Variants in TRAPPC9 observed in about 807,000 individuals in gnomAD.
TRAPPC9 encodes trafficking protein particle complex subunit 9.
TRAPPC9 carries 83 observed loss-of-function variants against 124.0 expected under a neutral mutation model. The observed-to-expected ratio is 0.67, with a 90% confidence interval of 0.56 to 0.80. The LOEUF is 0.80. Among genes scored for constraint, TRAPPC9 ranks in the 30% least tolerant of loss-of-function variants. TRAPPC9 has a pLI of 0.00. For synonymous variants in TRAPPC9, 638 were observed against 617.5 expected (o/e 1.03, Z -0.49); for missense variants, 1,302 against 1,508.3 (o/e 0.86, Z 2.27).
chr8:140,441,137 CCTGG>C (rs1027863370), intron 2 of TRAPPC9, among the ~76,000 whole-genome samples: 2 of 151,672 alleles, frequency 1.3e-5, no homozygotes, highest in African/African-American at 4.8e-5. Flanking sequence ...CACCACAACA[CCTGG>C]CTAATTGTTT....
intron 17 of TRAPPC9, among the ~76,000 whole-genome samples, chr8:140,026,103 C>T (rs970343350): frequency 6.6e-6 from 1 of 152,210 alleles, no homozygotes; most frequent in Non-Finnish European, 1.5e-5. Flanking sequence ...TCCTACAGTA[C>T]TTGTCCTTTT....
At chr8:139,875,931 C>T (rs774956958) in intron 21 of TRAPPC9, among the ~76,000 whole-genome samples, 12 of 152,152 alleles carry the variant, frequency 7.9e-5, no homozygotes, top group Non-Finnish European at 1.3e-4. Context: ...GGCAGAGGGC[C>T]GGTGGGCAAG....
chr8:139,909,949 A>G (rs575615800), intron 20 of TRAPPC9, among the ~76,000 whole-genome samples, 198 bp downstream of exon 20: 1 of 152,318 alleles, frequency 6.6e-6, no homozygotes, highest in Non-Finnish European at 1.5e-5. Context: ...CCCCCAATCA[A>G]TACTGCTCCG....
At chr8:140,140,159 C>G (rs539874460) in intron 17 of TRAPPC9, among the ~76,000 whole-genome samples, 1 of 152,218 alleles carries the variant, frequency 6.6e-6, no homozygotes, top group Non-Finnish European at 1.5e-5. Flanking sequence ...TGGAAGTAGC[C>G]CTTACTCATC....
In TRAPPC9 at chr8:140,294,752, T is replaced by C. The variant is rs539472228; in HGVS notation, c.1769-3674A>G. Among the ~76,000 whole-genome samples the C allele has an allele frequency of 7.6e-5, 11 of 145,624 alleles. No individual in the cohort carries two copies. In the East Asian group the frequency reaches 1.7e-3, roughly 23 times the overall value. On this transcript the variant is annotated intron_variant, in intron 11 of 22. Coordinates refer to ENST00000438773, the MANE Select transcript of TRAPPC9 (RefSeq NM_001160372.4). ...CCTCCCAAGTAGCTGGGACTACAGG[T>C]GTGCGCCACCATGCCCGGCTAAATT...
rs906110348 is a variant in TRAPPC9 at position 139,739,235 on chromosome 8, C to T, written c.3056-7033G>A. On this transcript the variant is annotated intron_variant, in intron 21 of 22. Transcript: ENST00000438773. ...GCTGGGTCCTCTCCTCCCGGACACCCAGCCCCAGCCTGGGAAACGTCCGGT... is the reference window on the plus strand; with the variant it reads ...GCTGGGTCCTCTCCTCCCGGACACCTAGCCCCAGCCTGGGAAACGTCCGGT... Among the ~76,000 whole-genome samples, 43 of 151,882 alleles carry T rather than the reference C, an allele frequency of 2.8e-4. 1 individual carries two copies. The highest frequency in any genetic ancestry group is 6.6e-5 in the Admixed American group (1 of 15,256).
intron 21 of TRAPPC9, among the ~76,000 whole-genome samples, chr8:139,880,149 T>G (rs1202982313): frequency 6.6e-6 from 1 of 152,172 alleles, no homozygotes; most frequent in Non-Finnish European, 1.5e-5. Context: ...CCACATGGCT[T>G]CTTCGGGAAG....
intron 15 of TRAPPC9, among the ~76,000 whole-genome samples, chr8:140,255,729 T>C (rs934568851): frequency 2.0e-5 from 3 of 151,992 alleles, no homozygotes; most frequent in Non-Finnish European, 4.4e-5. Context: ...CTACTAAAAA[T>C]ACAAAAATTA....
intron 17 of TRAPPC9, among the ~76,000 whole-genome samples, chr8:140,149,418 G>A (rs943542635): frequency 6.6e-6 from 1 of 152,148 alleles, no homozygotes; most frequent in South Asian, 2.1e-4. Flanking sequence ...TCGGGAGTTC[G>A]AGACTAGCCT....
intron 21 of TRAPPC9, among the ~76,000 whole-genome samples, chr8:139,777,183 A>G (rs940769920): frequency 5.9e-5 from 9 of 152,218 alleles, no homozygotes; most frequent in Non-Finnish European, 1.3e-4. Flanking sequence ...ATGGATTTCC[A>G]TTTCAGCATT....
intron 21 of TRAPPC9, among the ~76,000 whole-genome samples, chr8:139,849,452 C>T (rs1284411166): frequency 6.6e-6 from 1 of 152,258 alleles, no homozygotes; most frequent in Admixed American, 6.5e-5. Context: ...GCTCCCTCTC[C>T]TCTCCTTCTG....
At chr8:140,079,650 G>A (rs1241107533) in intron 17 of TRAPPC9, among the ~76,000 whole-genome samples, 2 of 152,184 alleles carry the variant, frequency 1.3e-5, no homozygotes, top group African/African-American at 4.8e-5. Context: ...AAAAAGGCAG[G>A]CCAGGCATGG....
At chr8:140,421,805 T>C (rs542241057) in intron 5 of TRAPPC9, among the ~76,000 whole-genome samples, 1 of 152,172 alleles carries the variant, frequency 6.6e-6, no homozygotes, top group South Asian at 2.1e-4. Flanking sequence ...GACACTACCT[T>C]TATTAGTGTG....
At chr8:140,263,896 T>A (rs1254812345) in intron 15 of TRAPPC9, among the ~76,000 whole-genome samples, 1 of 152,156 alleles carries the variant, frequency 6.6e-6, no homozygotes, top group Non-Finnish European at 1.5e-5. Flanking sequence ...CAGCTCCATC[T>A]CTACCTCTGT....
chr8:140,190,254 G>A (rs970245808), intron 17 of TRAPPC9, among the ~76,000 whole-genome samples: 3 of 152,092 alleles, frequency 2.0e-5, no homozygotes, highest in Middle Eastern at 3.2e-3. Flanking sequence ...TCAGGAGTTC[G>A]AGGCCAGCCT....
At chr8:140,438,304 TC>T (rs1302965855) in intron 3 of TRAPPC9, among the ~76,000 whole-genome samples, 5 of 152,226 alleles carry the variant, frequency 3.3e-5, no homozygotes, top group Admixed American at 3.3e-4. Flanking sequence ...CACAAAGTTG[TC>T]AAGGTTCATC....
chr8:140,105,219 GGA>G (rs2060642771), intron 17 of TRAPPC9, among the ~76,000 whole-genome samples: 1 of 152,198 alleles, frequency 6.6e-6, no homozygotes, highest in Non-Finnish European at 1.5e-5. Flanking sequence ...TCATGTCAAG[GGA>G]AATGGCGACT....
chr8:140,135,588 T>C (rs138665808), intron 17 of TRAPPC9, among the ~76,000 whole-genome samples: 3 of 151,954 alleles, frequency 2.0e-5, no homozygotes, highest in African/African-American at 7.3e-5. Context: ...AATAGGCAAA[T>C]CCATAGAGAC....
In TRAPPC9 at chr8:140,146,599, C is replaced by T. The variant is rs565159826; in HGVS notation, c.2556+74860G>A. Among the ~76,000 whole-genome samples the T allele has an allele frequency of 8.5e-5, 13 of 152,322 alleles. 1 individual carries two copies. In the East Asian group the frequency reaches 1.3e-3, roughly 16 times the overall value. On this transcript the variant is annotated intron_variant, in intron 17 of 22. Coordinates refer to ENST00000438773, the MANE Select transcript of TRAPPC9 (RefSeq NM_001160372.4). ...GCATGAACCTTGGAAACCACATCTA[C>T]TTTAAAAGACTTTTCTTAACTATGA...
Sources: allele counts gnomAD v4.1 joint callset (sites outside exome capture counted in the v4.1 genomes callset), GRCh38; gene constraint gnomAD v4.1.1; transcripts MANE v1.5; gene names NCBI Gene and HGNC (gene_info 2026-07-23, HGNC 2026-07-21).